MYO5B: variants seen among roughly 807,000 people sequenced by gnomAD.
MYO5B encodes unconventional myosin-Vb.
A neutral mutation model predicts 229.3 loss-of-function variants in MYO5B; 143 were observed. The ratio of observed to expected loss-of-function variants is 0.62; its 90% CI spans 0.54 to 0.72. The LOEUF is 0.72. MYO5B is among the 30% of genes least tolerant of loss of function. The pLI is 0.00. For synonymous variants in MYO5B, 918 were observed against 885.2 expected (o/e 1.04, Z -0.66); for missense variants, 2,321 against 2,331.0 (o/e 1.00, Z 0.09).
intron 1 of MYO5B, among the ~76,000 whole-genome samples, chr18:50,185,345 G>A (rs186072217): frequency 2.1e-4 from 32 of 151,280 alleles, no homozygotes; most frequent in African/African-American, 5.6e-4. Flanking sequence ...TTAGAGTGGC[G>A]AAGAAACAGA....
Position 49,847,064 on chromosome 18 carries a change from G to A in MYO5B, c.4459+82C>T, listed in dbSNP as rs2024137450. 48 of 1,571,580 alleles carry A rather than the reference G, an allele frequency of 3.1e-5. 1 individual carries two copies. The highest frequency in any genetic ancestry group is 3.7e-5 in the Non-Finnish European group (42 of 1,145,424). ...CTGTGCAGGAGGTGAAGGAAGGGGT[G>A]TGGGGGTTGTGCTGGGGATGGAGAT... is the stretch of plus-strand genomic sequence containing the variant. On this transcript the variant is annotated intron_variant, in intron 33 of 39. Coordinates refer to ENST00000285039, the MANE Select transcript of MYO5B (RefSeq NM_001080467.3).
Position 49,929,533 on chromosome 18 carries a change from C to T in MYO5B, c.2069G>A (p.Ser690Asn). The change falls in exon 17 of 40, where the codon AGT becomes AAT. Residue 690 changes from serine (S) to asparagine (N), a missense_variant. Ser to Asn is a conservative substitution (Grantham distance 46). Around this residue, in one of 2 missense-constraint regions of MYO5B, gnomAD observed 2,113 missense variants for 2,044.7 expected, o/e 1.03. Transcript: ENST00000285039. ...ACGVLETIRI[S>N]AAGYPSRWAY... Reference sequence around the variant, plus strand: ...TTACCTGGATGGGTAGCCAGCTGCACTGATTCGAATCGTCTCCAACACCCC... The same window carrying T: ...TTACCTGGATGGGTAGCCAGCTGCATTGATTCGAATCGTCTCCAACACCCC... 1.2e-6 allele frequency: 2 copies of T among 1,607,502 alleles called. No homozygotes were observed. Among genetic ancestry groups the T allele is most frequent in the Admixed American group, 3.4e-5 (2 of 59,544 alleles).
chr18:49,924,796 T>C (rs1371282148), intron 17 of MYO5B, among the ~76,000 whole-genome samples: 1 of 152,218 alleles, frequency 6.6e-6, no homozygotes, highest in Non-Finnish European at 1.5e-5. Context: ...CTTCCTTGTC[T>C]GTGTCTCACT....
At chr18:49,950,919 G>C (rs2144239912) in intron 14 of MYO5B, among the ~76,000 whole-genome samples, 1 of 152,270 alleles carries the variant, frequency 6.6e-6, no homozygotes, top group Non-Finnish European at 1.5e-5. Flanking sequence ...ACCATTCCCT[G>C]ATAAGAACAG....
At chr18:50,148,238 C>T (rs1331216724) in intron 1 of MYO5B, among the ~76,000 whole-genome samples, 3 of 149,826 alleles carry the variant, frequency 2.0e-5, no homozygotes, top group African/African-American at 4.9e-5. Context: ...GATTCACAGC[C>T]GAATTCTACC....
chr18:49,877,069 T>C (rs994391710), intron 25 of MYO5B, among the ~76,000 whole-genome samples: 1 of 152,242 alleles, frequency 6.6e-6, no homozygotes, highest in Non-Finnish European at 1.5e-5. Flanking sequence ...CCATTTGTTT[T>C]TATTCTGTCT....
chr18:50,138,813 T>G (rs2032375068), intron 1 of MYO5B, among the ~76,000 whole-genome samples: 1 of 152,188 alleles, frequency 6.6e-6, no homozygotes, highest in Admixed American at 6.5e-5. Flanking sequence ...GAAATTTCCA[T>G]GTATTTGCTT....
At chr18:49,961,283 G>A (rs1465592863) in intron 12 of MYO5B, among the ~76,000 whole-genome samples, 1 of 152,108 alleles carries the variant, frequency 6.6e-6, no homozygotes, top group Non-Finnish European at 1.5e-5. Flanking sequence ...TCTCTGCTTG[G>A]ATACCGATTC....
chr18:50,020,495 T>A (rs1035764864), intron 4 of MYO5B, among the ~76,000 whole-genome samples: 2 of 152,216 alleles, frequency 1.3e-5, no homozygotes, highest in African/African-American at 4.8e-5. Context: ...TCCAATCTAA[T>A]AGTGACCCCC....
intron 28 of MYO5B, among the ~76,000 whole-genome samples, chr18:49,863,675 G>A (rs148335046): frequency 5.3e-4 from 81 of 152,276 alleles, no homozygotes; most frequent in African/African-American, 1.7e-3. Context: ...CAGCTGTCCC[G>A]AGGCTCATGC....
At chr18:49,896,946 C>T (rs1435647533) in intron 21 of MYO5B, among the ~76,000 whole-genome samples, 1 of 152,156 alleles carries the variant, frequency 6.6e-6, no homozygotes, top group Non-Finnish European at 1.5e-5. Context: ...GTAACTCCTG[C>T]CTCAGAGGGT....
chr18:49,941,687 C>A (rs964604435), intron 14 of MYO5B, among the ~76,000 whole-genome samples: 3 of 151,904 alleles, frequency 2.0e-5, no homozygotes, highest in African/African-American at 7.3e-5. Context: ...TCGATACAAA[C>A]AAATGGAAGA....
chr18:50,179,542 A>G (rs1445709673), intron 1 of MYO5B, among the ~76,000 whole-genome samples: 1 of 152,200 alleles, frequency 6.6e-6, no homozygotes, highest in Admixed American at 6.5e-5. Context: ...TAGTGGAGCC[A>G]ATCTAAACTG....
chr18:50,029,829 G>T (rs1598965093), intron 4 of MYO5B, among the ~76,000 whole-genome samples: 1 of 152,134 alleles, frequency 6.6e-6, no homozygotes, highest in Admixed American at 6.6e-5. Flanking sequence ...GTTACTGGGG[G>T]CAGACCCTTG....
chr18:50,007,185 G>T (rs1354745385), intron 4 of MYO5B, among the ~76,000 whole-genome samples: 1 of 152,074 alleles, frequency 6.6e-6, no homozygotes, highest in Non-Finnish European at 1.5e-5. Flanking sequence ...GAATTCCCAG[G>T]GCTCCTGGCA....
chr18:50,044,420 G>T (rs2144399226), intron 2 of MYO5B, among the ~76,000 whole-genome samples: 1 of 152,176 alleles, frequency 6.6e-6, no homozygotes, highest in East Asian at 1.9e-4. Context: ...CATAATAACT[G>T]GGCCTTTAGA....
chr18:50,135,620 A>T (rs1306330467), intron 1 of MYO5B, among the ~76,000 whole-genome samples: 3 of 152,220 alleles, frequency 2.0e-5, no homozygotes, highest in African/African-American at 7.2e-5. Context: ...AGAGAAGATA[A>T]TATGTATTTA....
chr18:49,890,974 CCT>C (rs1598860668), intron 22 of MYO5B, among the ~76,000 whole-genome samples: 1 of 152,132 alleles, frequency 6.6e-6, no homozygotes, highest in Non-Finnish European at 1.5e-5. Flanking sequence ...TGTTTTAATT[CCT>C]CTCTCACCCC....
intron 1 of MYO5B, among the ~76,000 whole-genome samples, chr18:50,061,717 A>G (rs559405104): frequency 1.3e-5 from 2 of 152,298 alleles, no homozygotes; most frequent in East Asian, 1.9e-4. Flanking sequence ...ATTTTTAAAA[A>G]ACTTCCCAAG....
Sources: allele counts gnomAD v4.1 joint callset (sites outside exome capture counted in the v4.1 genomes callset), GRCh38; gene constraint gnomAD v4.1.1; regional missense constraint gnomAD v4.1.1; transcripts MANE v1.5; gene names NCBI Gene and HGNC (gene_info 2026-07-23, HGNC 2026-07-21).